PCDHGB7: variants seen among roughly 807,000 people sequenced by gnomAD.
PCDHGB7 encodes the protein protocadherin gamma subfamily B, 7, also known as protocadherin gamma-B7.
PCDHGB7 carries 37 observed loss-of-function variants against 61.4 expected under a neutral mutation model. The observed-to-expected ratio is 0.60, with a 90% CI of 0.46 to 0.79. PCDHGB7 has a LOEUF of 0.79. Ranked by LOEUF, PCDHGB7 falls within the 30% of genes least tolerant of loss-of-function variation. The pLI, the probability that PCDHGB7 is intolerant of heterozygous loss-of-function variation, is 0.00. For synonymous variants in PCDHGB7, 464 were observed against 503.5 expected (o/e 0.92, Z 1.05); for missense variants, 1,166 against 1,202.5 (o/e 0.97, Z 0.45).
At chr5:141,452,412 T>G (rs1009940351) in intron 1 of PCDHGB7, among the ~76,000 whole-genome samples, 2 of 152,222 alleles carry the variant, frequency 1.3e-5, no homozygotes, top group Non-Finnish European at 2.9e-5. Context: ...GTGTGAGGTA[T>G]GCTCACTGCT....
intron 3 of PCDHGB7, among the ~76,000 whole-genome samples, chr5:141,509,722 C>A (rs919655821): frequency 5.9e-5 from 9 of 152,140 alleles, no homozygotes; most frequent in African/African-American, 2.2e-4. Flanking sequence ...CTGATGTCAC[C>A]TAGCTGTGGC....
At chr5:141,441,948 G>A in intron 1 of PCDHGB7, 1 of 332,472 alleles carries the variant, frequency 3.0e-6, no homozygotes, top group Non-Finnish European at 5.8e-6. Flanking sequence ...ACGTGCTGCA[G>A]GCCAGCAAGC....
Position 141,431,103 on chromosome 5 carries a change from A to C in PCDHGB7, c.2415+10829A>C, listed in dbSNP as rs769542343. On this transcript the variant is annotated intron_variant, in intron 1 of 3. Coordinates refer to ENST00000398594, the MANE Select transcript of PCDHGB7 (RefSeq NM_018927.4). This position sits in a 1 kb window ranked among gnomAD's most constrained non-coding sequence, Gnocchi z 4.8. ...GACATTCTGATGGAGGATAAAGTGA[A>C]AATATATGGAGTAGAAGTAGAAGTA... 6.2e-7 allele frequency: 1 copy of C among 1,614,246 alleles called. No individual in the cohort carries two copies.
intron 1 of PCDHGB7, among the ~76,000 whole-genome samples, chr5:141,445,778 T>G (rs1045010487): frequency 6.6e-6 from 1 of 152,190 alleles, no homozygotes; most frequent in East Asian, 1.9e-4. Context: ...TTAAAAGGGC[T>G]AGGGAGGCTA....
intron 1 of PCDHGB7, among the ~76,000 whole-genome samples, chr5:141,464,442 G>A (rs890758574): frequency 3.3e-5 from 5 of 151,500 alleles, no homozygotes; most frequent in African/African-American, 1.2e-4. Flanking sequence ...TATGTTTGTT[G>A]TTGTTGTTGT....
chr5:141,461,027 C>G (rs993151622), intron 1 of PCDHGB7, among the ~76,000 whole-genome samples: 2 of 150,168 alleles, frequency 1.3e-5, no homozygotes, highest in Non-Finnish European at 3.0e-5. Flanking sequence ...TTTTCTTTAT[C>G]CACTCATTAG....
chr5:141,506,165 C>T (rs1359711670), intron 3 of PCDHGB7, among the ~76,000 whole-genome samples: 8 of 152,038 alleles, frequency 5.3e-5, no homozygotes, highest in South Asian at 2.1e-4. Context: ...AAGAGCACAG[C>T]CTAAGCTGGG....
At chr5:141,438,091 C>T (rs964466012) in intron 1 of PCDHGB7, among the ~76,000 whole-genome samples, 1 of 152,098 alleles carries the variant, frequency 6.6e-6, no homozygotes, top group Admixed American at 6.6e-5. Flanking sequence ...TTACCAGTAA[C>T]AGGGCATACT....
rs180741728 is a variant in PCDHGB7 at position 141,505,088 on chromosome 5, G to A, written c.2475-305G>A. Among the ~76,000 whole-genome samples the A allele has an allele frequency of 3.7e-3, 563 of 152,300 alleles. 5 individuals carry two copies. Among genetic ancestry groups the A allele is most frequent in the Admixed American group, 0.011 (163 of 15,294 alleles). On this transcript the variant is annotated intron_variant, in intron 2 of 3. Coordinates refer to ENST00000398594, the MANE Select transcript of PCDHGB7 (RefSeq NM_018927.4). ...GAGGCAGGAGAATCGCTTGAACCCA[G>A]GAGGTGGATGTTGCAATGAGCCAAG...
Position 141,490,365 on chromosome 5 carries a change from A to G in PCDHGB7, c.2416-4442A>G. The G allele has an allele frequency of 6.2e-7, 1 of 1,614,170 alleles. No individual in the cohort carries two copies. The highest frequency in any genetic ancestry group is 8.5e-7 in the Non-Finnish European group (1 of 1,180,030). On this transcript the variant is annotated intron_variant, in intron 1 of 3. Coordinates refer to ENST00000398594, the MANE Select transcript of PCDHGB7 (RefSeq NM_018927.4). The surrounding 1 kb of genome is among the most constrained non-coding windows in gnomAD (Gnocchi z 5.4). ...CAGTAGTGGGGTTGTTTAATGTGCG[A>G]GACCGGGACTCAGGTAGAAATGGTG...
chr5:141,492,005 C>T (rs1444993907), intron 1 of PCDHGB7: 2 of 642,268 alleles, frequency 3.1e-6, no homozygotes, highest in Admixed American at 7.4e-5. Flanking sequence ...GGGCGATTTC[C>T]GCGGGTGTCG....
intron 1 of PCDHGB7, among the ~76,000 whole-genome samples, chr5:141,438,629 TATATATAC>T (rs1474630940): frequency 0.043 from 2,039 of 47,824 alleles, 19 homozygotes; most frequent in South Asian, 0.061. Flanking sequence ...TATATATATA[TATATATAC>T]ACACACACAC....
chr5:141,447,516 A>G (rs997127013), intron 1 of PCDHGB7, among the ~76,000 whole-genome samples: 1 of 152,220 alleles, frequency 6.6e-6, no homozygotes, highest in African/African-American at 2.4e-5. Flanking sequence ...ATGCATAACA[A>G]TCATAACAAA....
intron 1 of PCDHGB7, chr5:141,478,091 A>G: frequency 6.2e-7 from 1 of 1,613,972 alleles, no homozygotes; most frequent in African/African-American, 1.3e-5. Flanking sequence ...GCTCTCCACC[A>G]CTGCTACCCT....
In PCDHGB7 at chr5:141,491,276, A is replaced by G; in HGVS notation, c.2416-3531A>G. The G allele has an allele frequency of 6.2e-7, 1 of 1,614,104 alleles. No individual in the cohort carries two copies. On this transcript the variant is annotated intron_variant, in intron 1 of 3. Coordinates refer to ENST00000398594, the MANE Select transcript of PCDHGB7 (RefSeq NM_018927.4). The surrounding 1 kb of genome is among the most constrained non-coding windows in gnomAD (Gnocchi z 6.9). ...CCTGAGGAAATGCCCAAATCCAGTG[A>G]CTTCCTCATACACCCTCCTGAGCGT...
chr5:141,486,909 C>A lies in PCDHGB7; in HGVS notation c.2416-7898C>A, dbSNP rs759702188. On this transcript the variant is annotated intron_variant, in intron 1 of 3. Coordinates refer to ENST00000398594, the MANE Select transcript of PCDHGB7 (RefSeq NM_018927.4). The surrounding 1 kb of genome is among the most constrained non-coding windows in gnomAD (Gnocchi z 5.0). ...CGGCCTGGTTCCTTATGTCCCCAAGCACTGCCTCCATCAGTTGGTGCTGGC... is the reference window on the plus strand; with the variant it reads ...CGGCCTGGTTCCTTATGTCCCCAAGAACTGCCTCCATCAGTTGGTGCTGGC... 3.1e-6 allele frequency: 5 copies of A among 1,614,262 alleles called. No individual in the cohort carries two copies. The East Asian group carries it at 1.1e-4, about 36-fold the overall frequency.
rs773944794 is a variant in PCDHGB7 at position 141,477,003 on chromosome 5, C to T, written c.2416-17804C>T. 1.2e-6 allele frequency: 2 copies of T among 1,614,214 alleles called. No homozygotes were observed. The highest frequency in any genetic ancestry group is 8.5e-7 in the Non-Finnish European group (1 of 1,180,040). On this transcript the variant is annotated intron_variant, in intron 1 of 3. Transcript: ENST00000398594. This position sits in a 1 kb window ranked among gnomAD's most constrained non-coding sequence, Gnocchi z 4.9. ...CGCGCCGGCGTGCGGCAACTATTCG[C>T]CTTAGACCTTGTAACCGGGATGCTG...
intron 1 of PCDHGB7, chr5:141,433,186 G>A (rs753657435): frequency 1.4e-5 from 23 of 1,601,378 alleles, no homozygotes; most frequent in Non-Finnish European, 1.9e-5. Context: ...TAATTGAGGT[G>A]AGTTTATATC....
intron 1 of PCDHGB7, chr5:141,441,834 C>T (rs370689467): frequency 2.6e-5 from 9 of 352,638 alleles, no homozygotes; most frequent in Non-Finnish European, 3.9e-5. Flanking sequence ...GCAATGGCTT[C>T]GCGCTCTTGG....
Sources: gnomAD v4.1 joint callset for allele counts (sites outside exome capture counted in the v4.1 genomes callset) on GRCh38, gnomAD v4.1.1 for gene constraint, Gnocchi (gnomAD v3.1) non-coding constraint, MANE v1.5 for transcripts, NCBI Gene and HGNC (gene_info 2026-07-23, HGNC 2026-07-21) for gene names.